The following VPS35L variants were observed in gnomAD, a reference collection of about 807,000 sequenced individuals.
VPS35L encodes VPS35 endosomal protein sorting factor like.
Under a neutral mutation model 133.0 loss-of-function variants are expected in VPS35L, and 83 were observed. The observed-to-expected ratio is 0.62, with a 90% CI of 0.52 to 0.75. VPS35L has a LOEUF of 0.75. Ranked by LOEUF, VPS35L falls within the 30% of genes least tolerant of loss-of-function variation. The pLI is 0.00. For synonymous variants in VPS35L, 423 were observed against 449.9 expected (o/e 0.94, Z 0.76); for missense variants, 1,083 against 1,206.8 (o/e 0.90, Z 1.52).
At chr16:19,571,531 A>ATTTATTTTAT (rs576553986) in intron 3 of VPS35L, among the ~76,000 whole-genome samples, 1 of 150,144 alleles carries the variant, frequency 6.7e-6, no homozygotes, top group African/African-American at 2.5e-5. Context: ...TTTTTTTTTA[A>ATTTATTTTAT]TTTATTTTAT....
intron 26 of VPS35L, among the ~76,000 whole-genome samples, chr16:19,654,379 C>T (rs1974232529): frequency 6.6e-6 from 1 of 151,778 alleles, no homozygotes; most frequent in Admixed American, 6.6e-5. Context: ...AGGACAGGCA[C>T]GTGTCTTCAT....
intron 6 of VPS35L, among the ~76,000 whole-genome samples, chr16:19,580,280 A>T (rs1483526710): frequency 6.7e-6 from 1 of 148,184 alleles, no homozygotes; most frequent in Non-Finnish European, 1.5e-5. Context: ...TGCCCAGCTA[A>T]TTTTTGTATT....
intron 14 of VPS35L, among the ~76,000 whole-genome samples, chr16:19,625,823 G>A (rs911748620): frequency 3.3e-5 from 5 of 152,096 alleles, no homozygotes; most frequent in Middle Eastern, 3.4e-3. Context: ...ACAGGCACCC[G>A]CTATCACACC....
At chr16:19,608,878 A>C (rs976899542) in intron 10 of VPS35L, 96 bp from the exon 11 acceptor site, 3 of 1,108,356 alleles carry the variant, frequency 2.7e-6, no homozygotes, top group Non-Finnish European at 4.0e-6. Flanking sequence ...CCCATCTCCT[A>C]AGACCCGCCT....
At chr16:19,693,959 GA>G (rs915757096) in intron 29 of VPS35L, 20,585 of 92,976 alleles carry the variant, frequency 0.22, 2,086 homozygotes, top group African/African-American at 0.4. Flanking sequence ...CAAAAAAAAA[GA>G]AAAAAAAAAA....
chr16:19,556,348 G>A (rs1013961046), intron 1 of VPS35L, among the ~76,000 whole-genome samples: 32 of 152,342 alleles, frequency 2.1e-4, no homozygotes, highest in African/African-American at 7.5e-4. Context: ...GGGGGCTAGG[G>A]GAAGGCTTCA....
At chr16:19,671,949 T>A (rs1313983583) in intron 27 of VPS35L, among the ~76,000 whole-genome samples, 1 of 152,118 alleles carries the variant, frequency 6.6e-6, no homozygotes, top group South Asian at 2.1e-4. Context: ...ACTCAGTAGG[T>A]TGAAATAGGC....
At chr16:19,674,359 T>A (rs896047387) in intron 27 of VPS35L, among the ~76,000 whole-genome samples, 2 of 83,518 alleles carry the variant, frequency 2.4e-5, no homozygotes, top group African/African-American at 8.2e-5. Context: ...ACCTGGCTAA[T>A]TTTTTTTTTG....
chr16:19,625,072 G>GA (rs2151562714), intron 14 of VPS35L, among the ~76,000 whole-genome samples: 1 of 132,666 alleles, frequency 7.5e-6, no homozygotes, highest in East Asian at 2.0e-4. Context: ...ATTCCAATGA[G>GA]TTAAAAAAAA....
chr16:19,576,630 A>G (rs1208919289), intron 5 of VPS35L, among the ~76,000 whole-genome samples: 1 of 152,004 alleles, frequency 6.6e-6, no homozygotes, highest in Non-Finnish European at 1.5e-5. Flanking sequence ...ATCATAGTTC[A>G]TTGCAGGTCT....
chr16:19,673,369 C>T (rs1472009671), intron 27 of VPS35L, among the ~76,000 whole-genome samples: 4 of 152,172 alleles, frequency 2.6e-5, no homozygotes, highest in Non-Finnish European at 4.4e-5. Flanking sequence ...TGCGACCTGG[C>T]CAGTTGGCTG....
chr16:19,598,539 T>G (rs1972285383), intron 8 of VPS35L, among the ~76,000 whole-genome samples: 1 of 152,172 alleles, frequency 6.6e-6, no homozygotes, highest in Non-Finnish European at 1.5e-5. Flanking sequence ...ATCCCAGCAC[T>G]TTGGGAAGCC....
intron 19 of VPS35L, among the ~76,000 whole-genome samples, chr16:19,634,226 C>G (rs2151571745): frequency 6.6e-6 from 1 of 151,848 alleles, no homozygotes. Flanking sequence ...CCAAGGAGGG[C>G]AGATCACTTG....
At chr16:19,655,827 C>A (rs528353893) in intron 26 of VPS35L, among the ~76,000 whole-genome samples, 1 of 152,144 alleles carries the variant, frequency 6.6e-6, no homozygotes, top group Non-Finnish European at 1.5e-5. Context: ...TCTTTCAGTC[C>A]CTTCTCTAGG....
intron 7 of VPS35L, among the ~76,000 whole-genome samples, chr16:19,583,490 A>G (rs541313992): frequency 4.6e-5 from 7 of 152,288 alleles, no homozygotes; most frequent in African/African-American, 1.7e-4. Context: ...AGTAATTAGC[A>G]TATTCATCAC....
chr16:19,555,839 C>A, intron 1 of VPS35L, 93 bp downstream of exon 1: 1 of 1,483,120 alleles, frequency 6.7e-7, no homozygotes, highest in South Asian at 1.4e-5. Flanking sequence ...TCCTCTCTGT[C>A]GGGTTCTGGT....
chr16:19,673,581 G>A (rs1487750332), intron 27 of VPS35L, among the ~76,000 whole-genome samples: 1 of 151,328 alleles, frequency 6.6e-6, no homozygotes, highest in Non-Finnish European at 1.5e-5. Context: ...ATTATTCCTT[G>A]AACAGATTTG....
At position 19,639,942 on chromosome 16, in the gene VPS35L, A is replaced by G; in HGVS notation, c.1699-73A>G. On this transcript the variant is annotated intron_variant, in intron 20 of 30. Coordinates refer to ENST00000417362, the MANE Select transcript of VPS35L (RefSeq NM_020314.7). This position sits in a 1 kb window ranked among gnomAD's most constrained non-coding sequence, Gnocchi z 4.1. ...GTTCTGCTTCTTTGAACTCCACAGA[A>G]AAAGAGACCCACAGATTCCTTCCTT... 1 of 1,340,694 alleles carries G rather than the reference A, an allele frequency of 7.5e-7. No homozygotes were observed. The highest frequency in any genetic ancestry group is 1.1e-6 in the Non-Finnish European group (1 of 945,442). The allele number at this position is 1,340,694 out of a possible 1,614,324, so 83.0% of individuals were successfully genotyped here.
chr16:19,613,559 C>T (rs1567423310), intron 12 of VPS35L, among the ~76,000 whole-genome samples: 1 of 152,190 alleles, frequency 6.6e-6, no homozygotes, highest in East Asian at 1.9e-4. Flanking sequence ...ATATGATGGC[C>T]CATAGCGGCC....
Sources: allele counts gnomAD v4.1 joint callset (sites outside exome capture counted in the v4.1 genomes callset), GRCh38; gene constraint gnomAD v4.1.1; non-coding constraint Gnocchi (gnomAD v3.1); transcripts MANE v1.5; gene names NCBI Gene and HGNC (gene_info 2026-07-23, HGNC 2026-07-21).